The following GLT8D2 variants were observed in gnomAD, a reference collection of about 807,000 sequenced individuals.
GLT8D2 encodes the protein glycosyltransferase 8 domain-containing protein 2.
A neutral mutation model predicts 44.5 loss-of-function variants in GLT8D2; 45 were observed. The observed-to-expected ratio is 1.01, with a 90% CI of 0.80 to 1.30. The LOEUF (loss-of-function observed/expected upper bound fraction) is 1.30, where lower values mean the gene tolerates loss of function less well. GLT8D2 is among the 50% of genes most tolerant of loss of function. The probability of loss-of-function intolerance (pLI) is 0.00; values close to 1 mark genes in which losing one functional copy is unlikely to be tolerated. For synonymous variants in GLT8D2, 156 were observed against 157.2 expected (o/e 0.99, Z 0.06); for missense variants, 400 against 430.4 (o/e 0.93, Z 0.62).
At chr12:104,035,220 C>A (rs1428796295) in intron 1 of GLT8D2, among the ~76,000 whole-genome samples, 1 of 152,174 alleles carries the variant, frequency 6.6e-6, no homozygotes, top group East Asian at 1.9e-4. Context: ...GAAACCAGAG[C>A]AGAAAAGCTG....
At chr12:104,042,267 C>T (rs1880642857) in intron 1 of GLT8D2, among the ~76,000 whole-genome samples, 1 of 152,234 alleles carries the variant, frequency 6.6e-6, no homozygotes. Flanking sequence ...ACTCCCCCTT[C>T]CTCCTGCCTT....
At chr12:104,049,136 T>A (rs1447535739) in intron 1 of GLT8D2, among the ~76,000 whole-genome samples, 2 of 151,454 alleles carry the variant, frequency 1.3e-5, no homozygotes, top group Admixed American at 1.3e-4. Context: ...CCAACCAATA[T>A]CACTTTGGAT....
intron 4 of GLT8D2, among the ~76,000 whole-genome samples, chr12:104,009,732 G>C (rs539751172): frequency 6.6e-6 from 1 of 152,300 alleles, no homozygotes; most frequent in South Asian, 2.1e-4. Flanking sequence ...GGACCCAGTG[G>C]GAGATGATGT....
At chr12:104,023,047 A>G (rs1593552080) in intron 1 of GLT8D2, among the ~76,000 whole-genome samples, 1 of 152,224 alleles carries the variant, frequency 6.6e-6, no homozygotes, top group Non-Finnish European at 1.5e-5. Flanking sequence ...GGTATTTGAT[A>G]CATGTTGACA....
At position 103,993,751 on chromosome 12, in the gene GLT8D2, G is replaced by C. The variant is rs1376372537; in HGVS notation, c.768-247C>G. 1.9e-5 allele frequency: 7 copies of C among 366,648 alleles called. No individual in the cohort carries two copies. The Admixed American group carries it at 2.1e-4, about 11-fold the overall frequency. 22.7% of individuals were successfully genotyped at this position (366,648 alleles called of 1,614,324 possible). Reference sequence around the variant, plus strand: ...AATATTTTGCCATTTTAACTCCCAGGGTTTTAAATAGTAGACACAGGAGAT... The same window carrying C: ...AATATTTTGCCATTTTAACTCCCAGCGTTTTAAATAGTAGACACAGGAGAT... On this transcript the variant is annotated intron_variant, in intron 9 of 10. Transcript: ENST00000360814.
At chr12:103,992,801 C>T (rs977373954) in intron 10 of GLT8D2, among the ~76,000 whole-genome samples, 43 of 152,214 alleles carry the variant, frequency 2.8e-4, no homozygotes, top group African/African-American at 9.9e-4. Flanking sequence ...CGAAAGTTCT[C>T]TTTATAATAG....
intron 4 of GLT8D2, among the ~76,000 whole-genome samples, chr12:104,007,233 G>GCTTT (rs1555277858): frequency 3.0e-5 from 2 of 66,286 alleles, no homozygotes; most frequent in East Asian, 1.3e-3. Flanking sequence ...TATACTTAAA[G>GCTTT]CTCTCTCTCT....
intron 1 of GLT8D2, among the ~76,000 whole-genome samples, chr12:104,040,852 T>A (rs1395481267): frequency 6.6e-6 from 1 of 152,250 alleles, no homozygotes; most frequent in East Asian, 1.9e-4. Flanking sequence ...AGAGTTCTAC[T>A]GAATGTGAGA....
rs751795224 is a variant in GLT8D2 at position 104,003,210 on chromosome 12, T to A, written c.209A>T (p.Asn70Ile). 65 of 1,613,968 alleles carry A rather than the reference T, an allele frequency of 4.0e-5. No homozygotes were observed. Among genetic ancestry groups the A allele is most frequent in the Non-Finnish European group, 5.2e-5 (61 of 1,179,948 alleles). ...GRMGATMAAINSIYSNTDANI... is the reference protein window; with the variant it reads ...GRMGATMAAIISIYSNTDANI... ...GGCGTCAGTGTTGCTGTAGATGCTA[T>A]TGATGGCAGCCATAGTGGCACCCAT... The change falls in exon 5 of 11, where the codon AAT becomes ATT. Residue 70 changes from asparagine to isoleucine, a missense_variant. Asn to Ile is a moderately radical substitution (Grantham distance 149). Transcript: ENST00000360814.
chr12:104,044,047 C>A (rs369196881), intron 1 of GLT8D2, among the ~76,000 whole-genome samples: 27 of 152,250 alleles, frequency 1.8e-4, no homozygotes, highest in East Asian at 1.5e-3. Flanking sequence ...CAAAACCTTC[C>A]AAGGCCTTCC....
chr12:104,011,411 T>G (rs1875810300), intron 4 of GLT8D2, among the ~76,000 whole-genome samples: 1 of 152,196 alleles, frequency 6.6e-6, no homozygotes, highest in South Asian at 2.1e-4. Context: ...GCCACGCCTA[T>G]TCCTAGAAGA....
At chr12:104,032,761 C>A (rs1260901489) in intron 1 of GLT8D2, among the ~76,000 whole-genome samples, 2 of 151,630 alleles carry the variant, frequency 1.3e-5, no homozygotes, top group Non-Finnish European at 2.9e-5. Context: ...GGAGGTCTCT[C>A]AAAAAATTCA....
intron 1 of GLT8D2, among the ~76,000 whole-genome samples, chr12:104,033,208 T>C (rs1322395503): frequency 3.3e-5 from 5 of 152,082 alleles, no homozygotes; most frequent in Admixed American, 3.3e-4. Context: ...ATAGCCAAGA[T>C]ATGGAATTAA....
chr12:104,033,658 C>T (rs1879587762), intron 1 of GLT8D2, among the ~76,000 whole-genome samples: 4 of 152,038 alleles, frequency 2.6e-5, no homozygotes, highest in Admixed American at 2.6e-4. Context: ...GTTCTCACTG[C>T]ACATACGCAA....
At chr12:104,035,063 C>T (rs1287566796) in intron 1 of GLT8D2, among the ~76,000 whole-genome samples, 3 of 152,226 alleles carry the variant, frequency 2.0e-5, no homozygotes, top group African/African-American at 4.8e-5. Flanking sequence ...AACAGACCTA[C>T]AGCTAAGGGA....
At chr12:104,037,491 G>GAAATACAAAC (rs1189541008) in intron 1 of GLT8D2, among the ~76,000 whole-genome samples, 2 of 148,216 alleles carry the variant, frequency 1.3e-5, no homozygotes, top group Non-Finnish European at 3.1e-5. Context: ...ACCACCGATA[G>GAAATACAAAC]TACCATCAGA....
chr12:104,020,277 G>A (rs11612000), intron 2 of GLT8D2, among the ~76,000 whole-genome samples: 2 of 152,028 alleles, frequency 1.3e-5, no homozygotes, highest in Non-Finnish European at 2.9e-5. Context: ...TGGGTCAGCA[G>A]AGCAGATGGC....
intron 3 of GLT8D2, among the ~76,000 whole-genome samples, chr12:104,016,894 GAGAAAGAAAGAAAGGA>G (rs1428452326): frequency 7.3e-6 from 1 of 137,478 alleles, no homozygotes; most frequent in Non-Finnish European, 1.6e-5. Context: ...AAAATAAAGA[GAGAAAGAAAGAAAGGA>G]AGAAAGAAAG....
At position 104,003,000 on chromosome 12, in the gene GLT8D2, G is replaced by C. The variant is rs1327324349; in HGVS notation, c.284+135C>G. 3 of 653,760 alleles carry C rather than the reference G, an allele frequency of 4.6e-6. No individual in the cohort carries two copies. The East Asian group carries it at 7.8e-5, about 17-fold the overall frequency. The allele number at this position is 653,760 out of a possible 1,614,324, so 40.5% of individuals were successfully genotyped here. ...AGAGAGAGAGAGAGACAGAAAGAGA[G>C]AGGGAGAGAAAGAGAGAAAGGGAGA... On this transcript the variant is annotated intron_variant, in intron 5 of 10. Transcript: ENST00000360814.
Sources: allele counts gnomAD v4.1 joint callset (sites outside exome capture counted in the v4.1 genomes callset), GRCh38; gene constraint gnomAD v4.1.1; transcripts MANE v1.5; gene names NCBI Gene and HGNC (gene_info 2026-07-23, HGNC 2026-07-21).